KIF4A: variants seen among roughly 807,000 people sequenced by gnomAD.
KIF4A encodes the protein chromosome-associated kinesin KIF4A.
A neutral mutation model predicts 105.9 loss-of-function variants in KIF4A; 7 were observed. That is an observed-to-expected ratio of 0.07 (90% CI 0.04 to 0.12). The LOEUF is 0.12. KIF4A is among the 10% of genes least tolerant of loss of function. The pLI is 1.00. For missense variants in KIF4A, 558 were observed against 929.2 expected (o/e 0.60, Z 5.19); for synonymous variants, 281 against 331.3 (o/e 0.85, Z 1.65).
At chrX:70,392,958 C>CT (rs760042042) in intron 20 of KIF4A, among the ~76,000 whole-genome samples, 12,938 of 90,497 alleles carry the variant, frequency 0.14, 860 homozygotes, top group Non-Finnish European at 0.21. Flanking sequence ...CCTCCTGGAT[C>CT]TTTTTTTTTT....
At chrX:70,370,229 C>T (rs1602780555) in intron 15 of KIF4A, among the ~76,000 whole-genome samples, 2 of 110,444 alleles carry the variant, frequency 1.8e-5, no homozygotes, top group African/African-American at 3.3e-5. Context: ...TGACATATGA[C>T]TGTAAATGTC....
At chrX:70,400,445 C>G in intron 22 of KIF4A, among the ~76,000 whole-genome samples, 1 of 111,727 alleles carries the variant, frequency 9.0e-6, no homozygotes, top group South Asian at 3.7e-4. Context: ...TGGGTTGCAA[C>G]TAACTCTTAA....
At chrX:70,399,510 T>A (rs1464068548) in intron 22 of KIF4A, among the ~76,000 whole-genome samples, 1 of 110,263 alleles carries the variant, frequency 9.1e-6, no homozygotes, top group Non-Finnish European at 1.9e-5. Flanking sequence ...AAATATATAT[T>A]TTATAGAATG....
chrX:70,310,664 G>A (rs2085846107), intron 7 of KIF4A, among the ~76,000 whole-genome samples: 1 of 110,973 alleles, frequency 9.0e-6, no homozygotes, highest in African/African-American at 3.3e-5. Flanking sequence ...TCTCTAACAT[G>A]GTTTGTATCA....
In KIF4A at chrX:70,290,747, T is replaced by G. The variant is rs767678651; in HGVS notation, c.177T>G (p.Thr59=). 18 of 1,208,499 alleles carry G rather than the reference T, an allele frequency of 1.5e-5. No individual in the cohort carries two copies. Among genetic ancestry groups the G allele is most frequent in the Middle Eastern group, 2.3e-4 (1 of 4,375 alleles). Residue 59 remains threonine, a synonymous_variant, in exon 3 of 31, where the codon ACT becomes ACG. Transcript: ENST00000374403. ...FTYDFVFDPS[T]EQEEVFNTAV... is the part of the protein sequence containing the mutation. ...ACGATTTTGTATTTGATCCCTCTAC[T>G]GAACAGGAAGAAGTCTTCAATACAG...
intron 7 of KIF4A, among the ~76,000 whole-genome samples, chrX:70,321,944 C>T (rs1330752230): frequency 9.0e-6 from 1 of 110,746 alleles, no homozygotes; most frequent in African/African-American, 3.3e-5. Context: ...ATGCTACCCT[C>T]TCCTGATTTT....
intron 15 of KIF4A, among the ~76,000 whole-genome samples, chrX:70,365,489 T>C (rs1393864589): frequency 8.9e-6 from 1 of 112,271 alleles, no homozygotes; most frequent in African/African-American, 3.2e-5. Flanking sequence ...TTTCTGCATC[T>C]ACTGAGATAA....
intron 3 of KIF4A, among the ~76,000 whole-genome samples, chrX:70,294,387 TA>T (rs1435384858): frequency 1.8e-5 from 2 of 112,611 alleles, no homozygotes; most frequent in South Asian, 3.7e-4. Flanking sequence ...AGTATACTCT[TA>T]AAAATGATAA....
At chrX:70,297,619 A>G (rs2085788250) in intron 4 of KIF4A, among the ~76,000 whole-genome samples, 3 of 112,154 alleles carry the variant, frequency 2.7e-5, no homozygotes, top group Non-Finnish European at 5.6e-5. Flanking sequence ...TTTACTGAGA[A>G]CCTACCATGT....
At chrX:70,398,098 C>T (rs1265512690) in intron 22 of KIF4A, among the ~76,000 whole-genome samples, 4 of 111,972 alleles carry the variant, frequency 3.6e-5, no homozygotes, top group Non-Finnish European at 7.5e-5. Context: ...AGTACAATGG[C>T]GCGATCTTGG....
intron 18 of KIF4A, among the ~76,000 whole-genome samples, chrX:70,380,977 C>T (rs752903800): frequency 2.7e-5 from 3 of 110,026 alleles, no homozygotes; most frequent in East Asian, 5.7e-4. Context: ...GGTGAAACCC[C>T]GTCTCTACTA....
intron 20 of KIF4A, among the ~76,000 whole-genome samples, chrX:70,395,155 A>C: frequency 8.9e-6 from 1 of 111,993 alleles, no homozygotes; most frequent in Middle Eastern, 4.6e-3. Flanking sequence ...CTGAGGCACA[A>C]GAATTGCTTG....
intron 28 of KIF4A, among the ~76,000 whole-genome samples, chrX:70,413,704 G>C (rs2086332098): frequency 9.1e-6 from 1 of 110,275 alleles, no homozygotes; most frequent in African/African-American, 3.3e-5. Flanking sequence ...ACTTTGGGAG[G>C]CTGAGGTGGG....
At chrX:70,373,176 G>A (rs931098990) in intron 15 of KIF4A, among the ~76,000 whole-genome samples, 2 of 109,393 alleles carry the variant, frequency 1.8e-5, no homozygotes, top group African/African-American at 6.7e-5. Flanking sequence ...GGAGGCTAAG[G>A]TGGGAGGATC....
intron 11 of KIF4A, among the ~76,000 whole-genome samples, chrX:70,342,459 C>T (rs2085976084): frequency 8.9e-6 from 1 of 112,246 alleles, no homozygotes; most frequent in African/African-American, 3.2e-5. Context: ...AGTTCTGACT[C>T]CTACTACCTG....
rs1252534853 is a variant in KIF4A at position 70,370,441 on chromosome X, T to C, written c.1675-3710T>C. Among the ~76,000 whole-genome samples, 3 of 107,549 alleles carry C rather than the reference T, an allele frequency of 2.8e-5. No individual in the cohort carries two copies. In the Admixed American group the frequency reaches 3.1e-4, roughly 11 times the overall value. The allele number at this position is 107,549 out of a possible 115,157, so 93.4% of individuals were successfully genotyped here. A position where few individuals can be genotyped will look rare whatever the true frequency, so the allele number is the denominator to read the frequency against. Reference sequence around the variant, plus strand: ...CTTCTATAAGTAAAAATATAGAATATATTTTTCTATAAGTATAGATAAATA... The same window carrying C: ...CTTCTATAAGTAAAAATATAGAATACATTTTTCTATAAGTATAGATAAATA... On this transcript the variant is annotated intron_variant, in intron 15 of 30. Transcript: ENST00000374403.
chrX:70,357,460 AC>A (rs1490132407), intron 15 of KIF4A, among the ~76,000 whole-genome samples: 2 of 111,900 alleles, frequency 1.8e-5, no homozygotes, highest in Non-Finnish European at 3.8e-5. Context: ...TTGCCCACTC[AC>A]CAGTTTGGGA....
chrX:70,350,476 C>CGGGAGA (rs1315196143), intron 13 of KIF4A, among the ~76,000 whole-genome samples: 2 of 95,679 alleles, frequency 2.1e-5, no homozygotes, highest in Non-Finnish European at 4.1e-5. Context: ...CAGAGGGAGA[C>CGGGAGA]GGGAGAGGGA....
intron 22 of KIF4A, among the ~76,000 whole-genome samples, chrX:70,402,023 T>A (rs2086284239): frequency 8.9e-6 from 1 of 111,865 alleles, no homozygotes; most frequent in African/African-American, 3.3e-5. Context: ...CCAGAAGCTA[T>A]AACCAGGGTC....
Sources: allele counts gnomAD v4.1 joint callset (sites outside exome capture counted in the v4.1 genomes callset), GRCh38; gene constraint gnomAD v4.1.1; transcripts MANE v1.5; gene names NCBI Gene and HGNC (gene_info 2026-07-23, HGNC 2026-07-21).